MRE11: variants seen among roughly 807,000 people sequenced by gnomAD.
MRE11 encodes the protein double-strand break repair protein MRE11.
A neutral mutation model predicts 91.7 loss-of-function variants in MRE11; 62 were observed. The observed-to-expected ratio is 0.68, with a 90% CI of 0.55 to 0.84. The LOEUF (loss-of-function observed/expected upper bound fraction) is 0.84, where lower values mean the gene tolerates loss of function less well. Among genes scored for constraint, MRE11 ranks in the 40% least tolerant of loss-of-function variants. The pLI is 0.00. For synonymous variants in MRE11, 273 were observed against 271.4 expected (o/e 1.01, Z -0.06); for missense variants, 796 against 852.9 (o/e 0.93, Z 0.83).
At chr11:94,431,621 T>C (rs1056543953) in intron 18 of MRE11, among the ~76,000 whole-genome samples, 1 of 152,198 alleles carries the variant, frequency 6.6e-6, no homozygotes, top group African/African-American at 2.4e-5. Context: ...GCCTGGACTG[T>C]ATGACTAGTT....
Position 94,476,377 on chromosome 11 carries a change from G to T in MRE11, c.571C>A (p.Arg191=). ...LGSIPDERLY[R]MFVNKKVTML... is the part of the protein sequence containing the mutation. Reference sequence around the variant, plus strand: ...GTTACTTTTTTATTGACAAACATTCGATAGAGCCTTTCATCTGGAATGGAT... The same window carrying T: ...GTTACTTTTTTATTGACAAACATTCTATAGAGCCTTTCATCTGGAATGGAT... Residue 191 remains arginine, a synonymous_variant, in exon 7 of 20, where the codon CGA becomes AGA. Coordinates refer to ENST00000323929, the MANE Select transcript of MRE11 (RefSeq NM_005591.4). 6.2e-7 allele frequency: 1 copy of T among 1,611,546 alleles called. No homozygotes were observed. Among genetic ancestry groups the T allele is most frequent in the Non-Finnish European group, 8.5e-7 (1 of 1,178,080 alleles).
rs140156961 is a variant in MRE11, at chr11:94,488,524, T to A, written c.153+2309A>T. Among the ~76,000 whole-genome samples, 495 of 152,320 alleles carry A rather than the reference T, an allele frequency of 3.2e-3. 2 individuals carry two copies. The highest frequency in any genetic ancestry group is 0.011 in the African/African-American group (471 of 41,574). Reference sequence around the variant, plus strand: ...ACACATATGTTCACTGCAGTACTATTCACAATAGCAAAGACATGGAATCAA... The same window carrying A: ...ACACATATGTTCACTGCAGTACTATACACAATAGCAAAGACATGGAATCAA... On this transcript the variant is annotated intron_variant, in intron 3 of 19. Coordinates refer to ENST00000323929, the MANE Select transcript of MRE11 (RefSeq NM_005591.4).
intron 7 of MRE11, 35 bp downstream of exon 7, chr11:94,476,254 C>A (rs772176473): frequency 7.2e-7 from 1 of 1,384,866 alleles, no homozygotes; most frequent in Admixed American, 1.7e-5. Context: ...GAAGCCTCAG[C>A]ACTTGGCTCA....
chr11:94,444,507 C>A (rs935192453), intron 16 of MRE11, among the ~76,000 whole-genome samples: 2 of 152,084 alleles, frequency 1.3e-5, no homozygotes, highest in Non-Finnish European at 1.5e-5. Context: ...CTTTACTGGC[C>A]CAACCAGAAA....
intron 18 of MRE11, 54 bp from the exon 19 acceptor site, chr11:94,430,040 T>C (rs1283906605): frequency 2.5e-6 from 4 of 1,570,664 alleles, no homozygotes; most frequent in Non-Finnish European, 3.5e-6. Flanking sequence ...ATTCATCAAG[T>C]GTGCCTTTCT....
At position 94,457,816 on chromosome 11, in the gene MRE11, C is replaced by T. The variant is rs189098088; in HGVS notation, c.1501-1478G>A. 1.2e-3 allele frequency among the ~76,000 whole-genome samples: 180 copies of T among 151,772 alleles called. 1 individual carries two copies. Among genetic ancestry groups the T allele is most frequent in the African/African-American group, 4.1e-3 (170 of 41,356 alleles). The stretch of plus-strand genomic sequence containing the variant: ...CTAATAAGGGTTTTGATTTTGAACA[C>T]GGGTGTCTGGTCAGAGCCACCATGA... On this transcript the variant is annotated intron_variant, in intron 13 of 19. Transcript: ENST00000323929.
chr11:94,492,947 C>T (rs1947328543), intron 1 of MRE11, 41 bp from the exon 2 acceptor site: 1 of 744,292 alleles, frequency 1.3e-6, no homozygotes, highest in Non-Finnish European at 2.3e-6. Context: ...TTTTTAAAAG[C>T]CTGCACGTAT....
rs556298939 is a variant in MRE11 at position 94,445,197 on chromosome 11, C to T, written c.1867+613G>A. On this transcript the variant is annotated intron_variant, in intron 16 of 19. Coordinates refer to ENST00000323929, the MANE Select transcript of MRE11 (RefSeq NM_005591.4). ...CAGTAGAGACAGTTCCTCTCTCTTT[C>T]GACCACTGTCCATATAGTGACCAAC... Among the ~76,000 whole-genome samples the T allele has an allele frequency of 6.6e-5, 10 of 152,350 alleles. No homozygotes were observed. In the South Asian group the frequency reaches 1.9e-3, roughly 28 times the overall value.
intron 2 of MRE11, 172 bp downstream of exon 2, chr11:94,492,606 TAACA>T (rs1332456910): frequency 2.1e-5 from 24 of 1,164,564 alleles, no homozygotes; most frequent in Middle Eastern, 2.6e-4. Context: ...AGCTTCCAGT[TAACA>T]AACAGATAAA....
At chr11:94,468,360 A>G (rs1023318984) in intron 9 of MRE11, among the ~76,000 whole-genome samples, 2 of 152,208 alleles carry the variant, frequency 1.3e-5, no homozygotes, top group Admixed American at 6.5e-5. Context: ...CTCTGAGAGG[A>G]TAAGATTATA....
intron 2 of MRE11, among the ~76,000 whole-genome samples, chr11:94,491,564 T>A (rs1170277593): frequency 6.6e-6 from 1 of 152,190 alleles, no homozygotes; most frequent in East Asian, 1.9e-4. Context: ...TTACACTAAA[T>A]TTAATTGTAT....
intron 19 of MRE11, among the ~76,000 whole-genome samples, chr11:94,427,111 C>T (rs1945343749): frequency 6.6e-6 from 1 of 152,078 alleles, no homozygotes; most frequent in African/African-American, 2.4e-5. Flanking sequence ...AACTTCAGTC[C>T]AATATCCCTG....
Position 94,459,458 on chromosome 11 carries a change from A to G in MRE11, c.1450T>C (p.Phe484Leu). Residue 484 changes from phenylalanine (F) to leucine (L), a missense_variant, in exon 13 of 20, where the codon TTT (phenylalanine) becomes CTT (leucine). By Grantham distance (22) the Phe-to-Leu change is conservative (BLOSUM62 0). Coordinates refer to ENST00000323929, the MANE Select transcript of MRE11 (RefSeq NM_005591.4). Reference protein sequence around the residue: ...VKYQLEKTQRFLKERHIDALE... With the variant: ...VKYQLEKTQRLLKERHIDALE... ...GCATCAATATGACGTTCTTTAAGAA[A>G]TCGCTGTGTTTTTTCCAACTGGTAT... The G allele has an allele frequency of 6.2e-7, 1 of 1,614,026 alleles. No individual in the cohort carries two copies. The highest frequency in any genetic ancestry group is 1.7e-4 in the Middle Eastern group (1 of 6,052).
chr11:94,453,633 A>G (rs191958657), intron 14 of MRE11, among the ~76,000 whole-genome samples: 171 of 152,318 alleles, frequency 1.1e-3, no homozygotes, highest in African/African-American at 4.0e-3. Flanking sequence ...TGTCTATTCA[A>G]GTCCTTTGCC....
the MRE11 span, among the ~76,000 whole-genome samples, chr11:94,503,826 CAA>C: frequency 3.4e-5 from 3 of 87,264 alleles, no homozygotes; most frequent in African/African-American, 1.4e-4. Flanking sequence ...GACTCCGTCT[CAA>C]AAAAAAAAAA....
At chr11:94,506,721 T>C in the MRE11 span, among the ~76,000 whole-genome samples, 1 of 151,918 alleles carries the variant, frequency 6.6e-6, no homozygotes, top group East Asian at 1.9e-4. Flanking sequence ...CCTGTGTAGC[T>C]AAGACTACAG....
intron 6 of MRE11, among the ~76,000 whole-genome samples, chr11:94,477,537 A>C (rs913408539): frequency 2.0e-5 from 3 of 152,226 alleles, no homozygotes; most frequent in Non-Finnish European, 4.4e-5. Context: ...AGAAAAGCCA[A>C]CAATGTAGAA....
intron 10 of MRE11, 40 bp from the exon 11 acceptor site, chr11:94,464,279 A>G (rs1946503549): frequency 1.2e-6 from 2 of 1,613,002 alleles, no homozygotes; most frequent in African/African-American, 1.3e-5. Flanking sequence ...AGGAAACAAC[A>G]ATTTGCCAAT....
chr11:94,452,870 GGTATA>G (rs1258439479), intron 14 of MRE11, among the ~76,000 whole-genome samples: 3 of 151,948 alleles, frequency 2.0e-5, no homozygotes, highest in African/African-American at 7.3e-5. Context: ...ACCACTTTTA[GGTATA>G]GTAGAGTGAC....
Sources: allele counts gnomAD v4.1 joint callset (sites outside exome capture counted in the v4.1 genomes callset), GRCh38; gene constraint gnomAD v4.1.1; transcripts MANE v1.5; gene names NCBI Gene and HGNC (gene_info 2026-07-23, HGNC 2026-07-21).